The following SLC15A5 variants were observed in gnomAD, a reference collection of about 807,000 sequenced individuals.
SLC15A5 encodes Peptide/histidine transporter ENSP00000340402.
SLC15A5 carries 58 observed loss-of-function variants against 56.1 expected under a neutral mutation model. The observed-to-expected ratio is 1.03, with a 90% CI of 0.84 to 1.29. SLC15A5 has a LOEUF of 1.29. SLC15A5 is among the 50% of genes most tolerant of loss of function. The pLI is 0.00. For missense variants in SLC15A5, 681 were observed against 672.1 expected, an observed-to-expected ratio of 1.01 and a Z score of -0.15; for synonymous variants, 264 against 250.5, an observed-to-expected ratio of 1.05 and a Z score of -0.51.
intron 5 of SLC15A5, among the ~76,000 whole-genome samples, chr12:16,230,668 T>A (rs999702863): frequency 6.6e-6 from 1 of 151,110 alleles, no homozygotes; most frequent in African/African-American, 2.4e-5. Context: ...AATCCCAGCA[T>A]TTTGGGAGGC....
At chr12:16,270,200 A>T (rs963989056) in intron 2 of SLC15A5, among the ~76,000 whole-genome samples, 1 of 152,148 alleles carries the variant, frequency 6.6e-6, no homozygotes, top group Non-Finnish European at 1.5e-5. Flanking sequence ...AGTGCCTGAG[A>T]CTTCCAGTCT....
intron 7 of SLC15A5, 43 bp from the exon 8 acceptor site, chr12:16,194,496 A>G: frequency 1.5e-6 from 2 of 1,301,864 alleles, no homozygotes; most frequent in Non-Finnish European, 2.1e-6. Flanking sequence ...GCAGAGTTGT[A>G]AGTTTCTGTG....
At chr12:16,236,813 A>G (rs1864356344) in intron 5 of SLC15A5, among the ~76,000 whole-genome samples, 1 of 152,222 alleles carries the variant, frequency 6.6e-6, no homozygotes, top group Non-Finnish European at 1.5e-5. Context: ...CAGGTATTTC[A>G]TGGCACTAAC....
intron 3 of SLC15A5, among the ~76,000 whole-genome samples, chr12:16,248,828 G>A (rs1291300480): frequency 1.3e-5 from 2 of 152,006 alleles, no homozygotes; most frequent in Non-Finnish European, 2.9e-5. Context: ...GGAAGTTGAC[G>A]AAAATACTGA....
At chr12:16,250,243 TA>T (rs1273052170) in intron 3 of SLC15A5, among the ~76,000 whole-genome samples, 1 of 152,014 alleles carries the variant, frequency 6.6e-6, no homozygotes, top group Non-Finnish European at 1.5e-5. Context: ...CAAGTATTTA[TA>T]AGACACAGGA....
intron 6 of SLC15A5, among the ~76,000 whole-genome samples, chr12:16,218,265 C>T (rs2136246959): frequency 6.6e-6 from 1 of 152,234 alleles, no homozygotes; most frequent in East Asian, 1.9e-4. Context: ...TATTAACAGT[C>T]TTAGCTTTGA....
At chr12:16,219,844 T>C (rs1002592650) in intron 6 of SLC15A5, among the ~76,000 whole-genome samples, 2 of 152,172 alleles carry the variant, frequency 1.3e-5, no homozygotes, top group African/African-American at 4.8e-5. Flanking sequence ...GTTCCCGTTT[T>C]TCTATGAAGA....
intron 7 of SLC15A5, among the ~76,000 whole-genome samples, chr12:16,195,874 A>T (rs773610427): frequency 6.6e-6 from 1 of 152,088 alleles, no homozygotes; most frequent in Non-Finnish European, 1.5e-5. Flanking sequence ...TACCTACTCA[A>T]TGACTATTAC....
intron 3 of SLC15A5, among the ~76,000 whole-genome samples, chr12:16,253,665 T>G (rs974031715): frequency 3.3e-5 from 5 of 150,780 alleles, no homozygotes; most frequent in African/African-American, 1.2e-4. Flanking sequence ...GAGCTCAGGA[T>G]TTTGAGATCA....
chr12:16,277,149 C>G (rs941485664), intron 1 of SLC15A5, among the ~76,000 whole-genome samples, 176 bp downstream of exon 1: 2 of 151,606 alleles, frequency 1.3e-5, no homozygotes, highest in African/African-American at 4.8e-5. Flanking sequence ...CACACACACA[C>G]AGACTTACTA....
intron 1 of SLC15A5, among the ~76,000 whole-genome samples, chr12:16,275,622 A>G (rs1177606182): frequency 6.6e-6 from 1 of 151,990 alleles, no homozygotes; most frequent in African/African-American, 2.4e-5. Context: ...ATAACCTCTG[A>G]AATTTAGTGA....
rs143467666 is a variant in SLC15A5, at chr12:16,269,393, A to G, written c.584+3168T>C. On this transcript the variant is annotated intron_variant, in intron 2 of 8. Coordinates refer to ENST00000344941, the MANE Select transcript of SLC15A5 (RefSeq NM_001170798.1). This position sits in a 1 kb window ranked among gnomAD's most constrained non-coding sequence, Gnocchi z 4.7. Reference sequence around the variant, plus strand: ...GGTCCCTGGATCCTACCTCTAACCAATGTAATCAGAATCTTTGGTGGCAGG... The same window carrying G: ...GGTCCCTGGATCCTACCTCTAACCAGTGTAATCAGAATCTTTGGTGGCAGG... 8.1e-3 allele frequency among the ~76,000 whole-genome samples: 1,226 copies of G among 152,220 alleles called. 16 individuals are homozygous for G. Among genetic ancestry groups the G allele is most frequent in the African/African-American group, 0.028 (1,172 of 41,558 alleles).
At chr12:16,198,304 A>T (rs1863916148) in intron 7 of SLC15A5, among the ~76,000 whole-genome samples, 1 of 152,168 alleles carries the variant, frequency 6.6e-6, no homozygotes, top group South Asian at 2.1e-4. Flanking sequence ...AAAGGAATTC[A>T]TAAATTAGTA....
intron 6 of SLC15A5, among the ~76,000 whole-genome samples, chr12:16,218,412 G>A (rs1275241003): frequency 1.3e-5 from 2 of 152,156 alleles, no homozygotes; most frequent in African/African-American, 2.4e-5. Context: ...GTGCAGTCAT[G>A]CGTGGCTTAA....
In SLC15A5 at chr12:16,220,097, G is replaced by T. The variant is rs534891188; in HGVS notation, c.1352-3073C>A. Among the ~76,000 whole-genome samples the T allele has an allele frequency of 3.9e-5, 6 of 152,226 alleles. No individual in the cohort carries two copies. The East Asian group carries it at 9.6e-4, about 24-fold the overall frequency. On this transcript the variant is annotated intron_variant, in intron 6 of 8. Transcript: ENST00000344941. ...AGTTAAAATGTGTGTATTGTGTTTG[G>T]TGAAAAGTTATTTTGAACATGTGGA...
intron 1 of SLC15A5, among the ~76,000 whole-genome samples, chr12:16,276,510 C>T (rs754325770): frequency 6.6e-6 from 1 of 151,986 alleles, no homozygotes; most frequent in Non-Finnish European, 1.5e-5. Flanking sequence ...AAACCATCAT[C>T]CTGAGATTTT....
chr12:16,256,389 A>C (rs1183312610), intron 3 of SLC15A5, among the ~76,000 whole-genome samples: 2 of 152,188 alleles, frequency 1.3e-5, no homozygotes, highest in African/African-American at 2.4e-5. Context: ...CTCTTAATTA[A>C]AGTACATAAT....
chr12:16,192,144 A>T (rs1260297160), intron 8 of SLC15A5, among the ~76,000 whole-genome samples: 1 of 152,038 alleles, frequency 6.6e-6, no homozygotes, highest in East Asian at 1.9e-4. Flanking sequence ...GAATGAGAAG[A>T]TCTATATGCC....
Position 16,271,604 on chromosome 12 carries a change from A to AGAG in SLC15A5, c.584+956_584+957insCTC, listed in dbSNP as rs397814067. Among the ~76,000 whole-genome samples the AGAG allele has an allele frequency of 2.0e-5, 3 of 151,432 alleles. No homozygotes were observed. The highest frequency in any genetic ancestry group is 7.3e-5 in the African/African-American group (3 of 41,188). ...AAGAGAAAGAAAAAGAAAGAAAGAG[A>AGAG]AAAGAGGAACTGCCTCGGATAGCTA... On this transcript the variant is annotated intron_variant, in intron 2 of 8. Transcript: ENST00000344941. The surrounding 1 kb of genome is among the most constrained non-coding windows in gnomAD (Gnocchi z 8.0).
Sources: allele counts gnomAD v4.1 joint callset (sites outside exome capture counted in the v4.1 genomes callset), GRCh38; gene constraint gnomAD v4.1.1; non-coding constraint Gnocchi (gnomAD v3.1); transcripts MANE v1.5; gene names NCBI Gene and HGNC (gene_info 2026-07-23, HGNC 2026-07-21).